The following ROBO1 variants were observed in gnomAD, a reference collection of about 807,000 sequenced individuals.
The protein encoded by ROBO1 is roundabout homolog 1.
A neutral mutation model predicts 195.9 loss-of-function variants in ROBO1; 149 were observed. The ratio of observed to expected loss-of-function variants is 0.76; its 90% confidence interval spans 0.67 to 0.87. The LOEUF (loss-of-function observed/expected upper bound fraction) is 0.87. Among genes scored for constraint, ROBO1 ranks in the 40% least tolerant of loss-of-function variants. The pLI, the probability that ROBO1 is intolerant of heterozygous loss-of-function variation, is 0.00. For synonymous variants in ROBO1, 816 were observed against 733.2 expected (o/e 1.11, Z -1.82); for missense variants, 1,933 against 2,068.3 (o/e 0.93, Z 1.27).
intron 4 of ROBO1, among the ~76,000 whole-genome samples, chr3:78,798,814 G>A (rs2084263382): frequency 1.3e-5 from 2 of 152,132 alleles, no homozygotes; most frequent in Non-Finnish European, 2.9e-5. Flanking sequence ...TTTCCTATCT[G>A]ACAATGTACA....
At chr3:79,144,907 C>T (rs1005323051) in intron 2 of ROBO1, among the ~76,000 whole-genome samples, 9 of 151,844 alleles carry the variant, frequency 5.9e-5, no homozygotes, top group Non-Finnish European at 1.2e-4. Context: ...TTATGCAGTG[C>T]AGAATAAAGT....
At chr3:78,793,136 A>G (rs1435040365) in intron 4 of ROBO1, among the ~76,000 whole-genome samples, 1 of 1,336 alleles carries the variant, frequency 7.5e-4, no homozygotes, top group Non-Finnish European at 0.031. Flanking sequence ...AAACAAAACC[A>G]AAAAAAAAAA....
chr3:79,433,181 C>T (rs980727474), intron 2 of ROBO1, among the ~76,000 whole-genome samples: 6 of 152,034 alleles, frequency 3.9e-5, no homozygotes, highest in African/African-American at 1.4e-4. Flanking sequence ...TCTTCCCACC[C>T]CTCACCCTCT....
intron 2 of ROBO1, among the ~76,000 whole-genome samples, chr3:79,346,288 T>C (rs1039441256): frequency 6.6e-6 from 1 of 152,156 alleles, no homozygotes; most frequent in African/African-American, 2.4e-5. Context: ...ATATTATGGC[T>C]ATGTTGTATT....
At chr3:78,791,971 A>C (rs991056272) in intron 4 of ROBO1, among the ~76,000 whole-genome samples, 1 of 152,178 alleles carries the variant, frequency 6.6e-6, no homozygotes, top group African/African-American at 2.4e-5. Context: ...GCTGTCCAGA[A>C]TACTCATTCA....
chr3:78,884,952 G>A (rs2036459587), intron 4 of ROBO1, among the ~76,000 whole-genome samples: 1 of 151,484 alleles, frequency 6.6e-6, no homozygotes, highest in Admixed American at 6.6e-5. Context: ...TACGAAGGCT[G>A]CATGTTTAAG....
intron 3 of ROBO1, among the ~76,000 whole-genome samples, chr3:78,963,796 C>T (rs960424446): frequency 6.6e-6 from 1 of 152,040 alleles, no homozygotes; most frequent in African/African-American, 2.4e-5. Context: ...GGATTACAGG[C>T]GTGAGCCACA....
chr3:78,680,963 G>T (rs2107792345), intron 10 of ROBO1, among the ~76,000 whole-genome samples: 1 of 151,396 alleles, frequency 6.6e-6, no homozygotes, highest in Non-Finnish European at 1.5e-5. Context: ...ACTGGATTAA[G>T]AAAATGTGGC....
intron 9 of ROBO1, among the ~76,000 whole-genome samples, chr3:78,687,215 T>G (rs111341694): frequency 0.012 from 1,838 of 152,344 alleles, 14 homozygotes; most frequent in Non-Finnish European, 0.017. Flanking sequence ...GATTTACTAT[T>G]ACTGCTACAA....
Position 78,702,027 on chromosome 3 carries a change from G to A in ROBO1, c.1045+12370C>T, listed in dbSNP as rs181035496. Among the ~76,000 whole-genome samples the A allele has an allele frequency of 1.2e-4, 19 of 152,230 alleles. No homozygotes were observed. In the East Asian group the frequency reaches 3.5e-3, roughly 28 times the overall value. ...AAACCTTAGGTATACTACACAGTGT[G>A]AACTTCTAATTTATACAAAATATTT... On this transcript the variant is annotated intron_variant, in intron 8 of 30. Transcript: ENST00000464233.
chr3:78,839,859 G>A (rs559510066), intron 4 of ROBO1, among the ~76,000 whole-genome samples: 20 of 152,246 alleles, frequency 1.3e-4, no homozygotes, highest in African/African-American at 4.8e-4. Flanking sequence ...CAGGCCATCT[G>A]CAGATAAAAT....
intron 4 of ROBO1, among the ~76,000 whole-genome samples, chr3:78,804,327 TAA>T: frequency 6.6e-6 from 1 of 152,194 alleles, no homozygotes; most frequent in East Asian, 1.9e-4. Context: ...CAGAAAGATA[TAA>T]GAGATTTTCT....
chr3:79,401,420 A>G (rs1185902919), intron 2 of ROBO1, among the ~76,000 whole-genome samples: 2 of 151,888 alleles, frequency 1.3e-5, no homozygotes, highest in Non-Finnish European at 2.9e-5. Flanking sequence ...GGTAGACATT[A>G]TAAAAGTGAA....
chr3:79,331,706 A>T (rs1559823530), intron 2 of ROBO1, among the ~76,000 whole-genome samples: 1 of 152,196 alleles, frequency 6.6e-6, no homozygotes, highest in Non-Finnish European at 1.5e-5. Flanking sequence ...ATGCCTAGGA[A>T]ATCCCCCGTT....
At chr3:79,531,259 CCTA>C (rs1941649464) in intron 2 of ROBO1, among the ~76,000 whole-genome samples, 1 of 152,074 alleles carries the variant, frequency 6.6e-6, no homozygotes. Flanking sequence ...ATACTGAGCA[CCTA>C]CTAATTTATA....
At chr3:79,298,924 A>C (rs1248142856) in intron 2 of ROBO1, among the ~76,000 whole-genome samples, 2 of 152,308 alleles carry the variant, frequency 1.3e-5, no homozygotes, top group East Asian at 3.9e-4. Context: ...TGCATACTAC[A>C]AAGATTTCAA....
rs933256126 is a variant in ROBO1, at chr3:78,961,521, C to T, written c.173-22594G>A. ...TAGAACAATAGCTAAAATGTACTTA[C>T]GTTCCAATTTGATTAGGTGTTTTAA... On this transcript the variant is annotated intron_variant, in intron 3 of 30. Coordinates refer to ENST00000464233, the MANE Select transcript of ROBO1 (RefSeq NM_002941.4). Among the ~76,000 whole-genome samples the T allele has an allele frequency of 4.6e-5, 7 of 152,160 alleles. No individual in the cohort carries two copies. In the East Asian group the frequency reaches 5.8e-4, roughly 13 times the overall value.
At chr3:79,732,301 C>T (rs1703186545) in intron 1 of ROBO1, among the ~76,000 whole-genome samples, 1 of 151,674 alleles carries the variant, frequency 6.6e-6, no homozygotes, top group Admixed American at 6.6e-5. Context: ...CTAGATCAGT[C>T]ATTACAATAT....
intron 5 of ROBO1, among the ~76,000 whole-genome samples, chr3:78,744,535 CCT>C (rs1487505474): frequency 2.0e-5 from 3 of 152,210 alleles, no homozygotes; most frequent in East Asian, 1.9e-4. Flanking sequence ...AAGGCTACCC[CCT>C]GATTGTATCT....
Sources: allele counts gnomAD v4.1 joint callset (sites outside exome capture counted in the v4.1 genomes callset), GRCh38; gene constraint gnomAD v4.1.1; transcripts MANE v1.5; gene names NCBI Gene and HGNC (gene_info 2026-07-23, HGNC 2026-07-21).